The following EDN3 variants were observed in gnomAD, a reference collection of about 807,000 sequenced individuals.
The protein encoded by EDN3 is endothelin-3.
A neutral mutation model predicts 21.4 loss-of-function variants in EDN3; 9 were observed. The ratio of observed to expected loss-of-function variants is 0.42; its 90% CI spans 0.25 to 0.73. EDN3 has a LOEUF of 0.73. Ranked by LOEUF, EDN3 falls within the 30% of genes least tolerant of loss-of-function variation. The pLI is 0.26. For missense variants in EDN3, 327 were observed against 309.4 expected (o/e 1.06, Z -0.43); for synonymous variants, 133 against 126.2 (o/e 1.05, Z -0.36).
chr20:59,314,981 G>T (rs1990082951), intron 2 of EDN3, among the ~76,000 whole-genome samples: 1 of 152,184 alleles, frequency 6.6e-6, no homozygotes, highest in Non-Finnish European at 1.5e-5. Context: ...TAGGTGTGCT[G>T]GAGGGCATTT....
In EDN3 at chr20:59,311,822, C is replaced by T. The variant is rs116876000; in HGVS notation, c.366-9195C>T. ...AGATAGAGTTGCTCTGGTTCGAACA[C>T]CTCTGACAGAGCTACCAAAAGGGCA... On this transcript the variant is annotated intron_variant, in intron 2 of 4. Transcript: ENST00000337938. Among the ~76,000 whole-genome samples, 27 of 152,242 alleles carry T rather than the reference C, an allele frequency of 1.8e-4. No homozygotes were observed. The East Asian group carries it at 2.1e-3, about 12-fold the overall frequency.
At chr20:59,318,359 C>G (rs943072618) in intron 2 of EDN3, among the ~76,000 whole-genome samples, 7 of 152,204 alleles carry the variant, frequency 4.6e-5, no homozygotes, top group Non-Finnish European at 1.0e-4. Flanking sequence ...AAATTAAAAG[C>G]TGGACCTGCA....
intron 2 of EDN3, among the ~76,000 whole-genome samples, chr20:59,311,792 A>G (rs1989833043): frequency 6.6e-6 from 1 of 152,054 alleles, no homozygotes; most frequent in Admixed American, 6.5e-5. Context: ...CCCAGCCCCT[A>G]TTCAAGATAG....
chr20:59,300,982 C>G (rs1336589044), intron 1 of EDN3, 118 bp downstream of exon 1: 10 of 1,258,424 alleles, frequency 7.9e-6, no homozygotes, highest in Non-Finnish European at 2.2e-6. Flanking sequence ...TGCCTGGGCT[C>G]TGCACTCGTG....
At position 59,300,707 on chromosome 20, in the gene EDN3, C is replaced by T; in HGVS notation, c.-106C>T. The T allele has an allele frequency of 8.2e-7, 1 of 1,213,606 alleles. No homozygotes were observed. The highest frequency in any genetic ancestry group is 1.3e-5 in the South Asian group (1 of 75,214). 75.2% of individuals were successfully genotyped at this position (1,213,606 alleles called of 1,614,324 possible). ...CAGCGAGCGATCGGCCGGCCTCGAA[C>T]CCCCACAGCTGGAGGGCGAGGCCAG... On this transcript the variant is annotated 5_prime_UTR_variant, in exon 1 of 5. Coordinates refer to ENST00000337938, the MANE Select transcript of EDN3 (RefSeq NM_207034.3).
Position 59,324,607 on chromosome 20 carries a change from C to A in EDN3, c.*148C>A. ...GTCCCCACTTAACAATACCCCCCCCCCACGGCAAGAATGCCCAAATCCGAA... is the reference window on the plus strand; with the variant it reads ...GTCCCCACTTAACAATACCCCCCCCACACGGCAAGAATGCCCAAATCCGAA... On this transcript the variant is annotated 3_prime_UTR_variant, in exon 5 of 5. Coordinates refer to ENST00000337938, the MANE Select transcript of EDN3 (RefSeq NM_207034.3). The A allele has an allele frequency of 4.6e-6, 5 of 1,076,760 alleles. No individual in the cohort carries two copies. The highest frequency in any genetic ancestry group is 1.4e-5 in the South Asian group (1 of 71,430). 66.7% of individuals were successfully genotyped at this position (1,076,760 alleles called of 1,614,324 possible). A position where few individuals can be genotyped will look rare whatever the true frequency, so the allele number is the denominator to read the frequency against.
intron 3 of EDN3, among the ~76,000 whole-genome samples, chr20:59,321,550 G>A (rs762538377): frequency 5.9e-5 from 9 of 152,184 alleles, no homozygotes; most frequent in Non-Finnish European, 1.2e-4. Flanking sequence ...CCTGCCAAAT[G>A]CGTATTTTTA....
Position 59,319,341 on chromosome 20 carries a change from A to G in EDN3, c.366-1676A>G, listed in dbSNP as rs11570331. On this transcript the variant is annotated intron_variant, in intron 2 of 4. Coordinates refer to ENST00000337938, the MANE Select transcript of EDN3 (RefSeq NM_207034.3). ...GGTCACTATGGGGCTTCCTGGCCCA[A>G]TTTGCCCTCACTGTCGCAAAAAGGC... Among the ~76,000 whole-genome samples the G allele has an allele frequency of 6.6e-3, 1,002 of 152,262 alleles. 8 individuals carry two copies. Among genetic ancestry groups the G allele is most frequent in the African/African-American group, 0.023 (948 of 41,544 alleles).
chr20:59,315,559 A>G (rs939721464), intron 2 of EDN3, among the ~76,000 whole-genome samples: 5 of 152,218 alleles, frequency 3.3e-5, no homozygotes, highest in African/African-American at 7.2e-5. Flanking sequence ...CCTCTATTTA[A>G]ATGAAACAAC....
chr20:59,304,632 C>T (rs1229502684), intron 2 of EDN3, among the ~76,000 whole-genome samples: 6 of 152,274 alleles, frequency 3.9e-5, no homozygotes, highest in African/African-American at 1.4e-4. Flanking sequence ...GTCATTTTTG[C>T]TCCCTTCGAG....
At chr20:59,311,177 G>A (rs1452058565) in intron 2 of EDN3, among the ~76,000 whole-genome samples, 1 of 152,122 alleles carries the variant, frequency 6.6e-6, no homozygotes, top group Middle Eastern at 3.2e-3. Flanking sequence ...TGAGGATAAA[G>A]CCTGTGTCTC....
intron 2 of EDN3, among the ~76,000 whole-genome samples, chr20:59,310,420 G>C (rs79603538): frequency 1.3e-5 from 2 of 152,222 alleles, no homozygotes; most frequent in South Asian, 2.1e-4. Flanking sequence ...ACAGCCACAT[G>C]TGAATGAATT....
intron 2 of EDN3, among the ~76,000 whole-genome samples, chr20:59,314,503 T>C (rs899124289): frequency 6.6e-6 from 1 of 151,386 alleles, no homozygotes; most frequent in East Asian, 2.0e-4. Flanking sequence ...AGGACAGGAT[T>C]GGGGGTCTAG....
rs946947510 is a variant in EDN3, at chr20:59,300,709, C to T, written c.-104C>T. The T allele has an allele frequency of 4.0e-6, 5 of 1,257,924 alleles. No individual in the cohort carries two copies. Among genetic ancestry groups the T allele is most frequent in the African/African-American group, 3.0e-5 (2 of 66,818 alleles). 77.9% of individuals were successfully genotyped at this position (1,257,924 alleles called of 1,614,324 possible). A position where few individuals can be genotyped will look rare whatever the true frequency, so the allele number is the denominator to read the frequency against. ...GCGAGCGATCGGCCGGCCTCGAACC[C>T]CCACAGCTGGAGGGCGAGGCCAGCT... On this transcript the variant is annotated 5_prime_UTR_variant, in exon 1 of 5. Transcript: ENST00000337938.
intron 2 of EDN3, among the ~76,000 whole-genome samples, chr20:59,307,201 C>T (rs942524863): frequency 6.6e-6 from 1 of 152,158 alleles, no homozygotes; most frequent in Admixed American, 6.5e-5. Context: ...CATTGTTGGA[C>T]ATGTGGCCAT....
intron 1 of EDN3, 125 bp downstream of exon 1, chr20:59,300,989 C>A (rs155001): frequency 2.6e-6 from 3 of 1,152,798 alleles, no homozygotes; most frequent in African/African-American, 1.5e-5. Context: ...GCTCTGCACT[C>A]GTGAAGACGC....
chr20:59,317,284 C>T (rs1267565370), intron 2 of EDN3, among the ~76,000 whole-genome samples: 1 of 152,170 alleles, frequency 6.6e-6, no homozygotes, highest in African/African-American at 2.4e-5. Context: ...ATGAGGTGAC[C>T]TGTGGCCTTG....
chr20:59,319,820 T>C (rs1019564634), intron 2 of EDN3, among the ~76,000 whole-genome samples: 1 of 151,614 alleles, frequency 6.6e-6, no homozygotes, highest in Non-Finnish European at 1.5e-5. Flanking sequence ...AAGTGGATAA[T>C]TGGTACTACT....
At chr20:59,318,953 T>C (rs1422318913) in intron 2 of EDN3, among the ~76,000 whole-genome samples, 3 of 152,184 alleles carry the variant, frequency 2.0e-5, no homozygotes, top group Non-Finnish European at 4.4e-5. Context: ...ACTCAGAGAT[T>C]TAATGTGGCC....
Sources: allele counts gnomAD v4.1 joint callset (sites outside exome capture counted in the v4.1 genomes callset), GRCh38; gene constraint gnomAD v4.1.1; transcripts MANE v1.5; gene names NCBI Gene and HGNC (gene_info 2026-07-23, HGNC 2026-07-21).